Variants in DTNBP1 observed in about 807,000 individuals in gnomAD.
DTNBP1 encodes the protein dystrobrevin binding protein 1.
A neutral mutation model predicts 42.8 loss-of-function variants in DTNBP1; 35 were observed. The ratio of observed to expected loss-of-function variants is 0.82; its 90% CI spans 0.63 to 1.09. The LOEUF is 1.09. Ranked by LOEUF, DTNBP1 falls within the 50% of genes least tolerant of loss-of-function variation. The probability of loss-of-function intolerance (pLI) is 0.00; values close to 1 mark genes in which losing one functional copy is unlikely to be tolerated. For synonymous variants in DTNBP1, 171 were observed against 162.2 expected (o/e 1.05, Z -0.41); for missense variants, 457 against 424.2 (o/e 1.08, Z -0.68).
At chr6:15,592,805 A>C (rs562578336) in intron 7 of DTNBP1, among the ~76,000 whole-genome samples, 1 of 152,300 alleles carries the variant, frequency 6.6e-6, no homozygotes, top group East Asian at 1.9e-4. Context: ...ATTCTCAACA[A>C]CCTCAAAGTT....
intron 5 of DTNBP1, among the ~76,000 whole-genome samples, chr6:15,625,133 T>C (rs1759266233): frequency 1.3e-5 from 2 of 152,180 alleles, no homozygotes; most frequent in Non-Finnish European, 2.9e-5. Context: ...TATGCTATCT[T>C]CCACAGTCAT....
chr6:15,523,529 G>GAGC, intron 9 of DTNBP1: 1 of 1,274,400 alleles, frequency 7.8e-7, no homozygotes, highest in Non-Finnish European at 1.0e-6. Flanking sequence ...TATCTTTGAG[G>GAGC]AGCAGTCCTT....
At chr6:15,524,048 T>C in intron 9 of DTNBP1, 1 of 1,295,776 alleles carries the variant, frequency 7.7e-7, no homozygotes, top group Non-Finnish European at 1.0e-6. Flanking sequence ...TGTGAAGGGA[T>C]GAAAGGAACT....
chr6:15,530,291 C>T (rs998243204), intron 8 of DTNBP1, among the ~76,000 whole-genome samples: 3 of 152,112 alleles, frequency 2.0e-5, no homozygotes, highest in African/African-American at 4.8e-5. Context: ...ATGAGATGCC[C>T]GATTCCCGTG....
chr6:15,641,965 C>T (rs1477686261), intron 3 of DTNBP1, among the ~76,000 whole-genome samples: 1 of 152,212 alleles, frequency 6.6e-6, no homozygotes, highest in African/African-American at 2.4e-5. Context: ...TCATCTCCTG[C>T]ATCCCCCTAC....
At chr6:15,628,501 G>A (rs560702281) in intron 4 of DTNBP1, among the ~76,000 whole-genome samples, 2 of 147,736 alleles carry the variant, frequency 1.4e-5, no homozygotes, top group East Asian at 3.9e-4. Context: ...CGCCTCCCAG[G>A]TTCATGCGAT....
intron 7 of DTNBP1, 107 bp downstream of exon 7, chr6:15,592,952 T>C (rs1776357904): frequency 8.5e-7 from 1 of 1,171,258 alleles, no homozygotes; most frequent in African/African-American, 1.6e-5. Flanking sequence ...TTTTACTGTT[T>C]TATGTAAACT....
chr6:15,580,865 C>A (rs1775797348), intron 7 of DTNBP1, among the ~76,000 whole-genome samples: 1 of 152,144 alleles, frequency 6.6e-6, no homozygotes, highest in African/African-American at 2.4e-5. Flanking sequence ...GTCACCGTTT[C>A]TAGAAGACTG....
intron 9 of DTNBP1, chr6:15,523,425 T>G: frequency 7.9e-7 from 1 of 1,263,024 alleles, no homozygotes; most frequent in Non-Finnish European, 1.1e-6. Flanking sequence ...CGGTGACCCT[T>G]CTGTCCCCTA....
At chr6:15,647,221 T>A (rs537334632) in intron 3 of DTNBP1, among the ~76,000 whole-genome samples, 1 of 151,820 alleles carries the variant, frequency 6.6e-6, no homozygotes, top group East Asian at 1.9e-4. Context: ...TGAAGACATA[T>A]AAGAAGCCAA....
intron 6 of DTNBP1, among the ~76,000 whole-genome samples, chr6:15,608,874 T>C (rs1758226573): frequency 6.6e-6 from 1 of 152,240 alleles, no homozygotes; most frequent in Non-Finnish European, 1.5e-5. Flanking sequence ...TAGTGAAATT[T>C]ACAAAAATAT....
At chr6:15,609,540 C>CT (rs576642736) in intron 6 of DTNBP1, among the ~76,000 whole-genome samples, 10 of 152,168 alleles carry the variant, frequency 6.6e-5, no homozygotes, top group Non-Finnish European at 1.5e-4. Context: ...AGGCTGGTCT[C>CT]TATCTCCTGA....
chr6:15,613,852 C>T (rs913047916), intron 6 of DTNBP1, among the ~76,000 whole-genome samples: 4 of 152,184 alleles, frequency 2.6e-5, no homozygotes, highest in Non-Finnish European at 4.4e-5. Flanking sequence ...AATCTCCCAT[C>T]CCTGCCTGGC....
chr6:15,523,858 G>A (rs1302305012), intron 9 of DTNBP1: 1 of 1,287,146 alleles, frequency 7.8e-7, no homozygotes, highest in Non-Finnish European at 1.0e-6. Context: ...GAGAAGTTTA[G>A]AGGAAGCTGA....
chr6:15,609,346 G>A (rs1758263495), intron 6 of DTNBP1, among the ~76,000 whole-genome samples: 1 of 150,830 alleles, frequency 6.6e-6, no homozygotes, highest in Non-Finnish European at 1.5e-5. Context: ...TCCTGAGACA[G>A]TCTTGCTCTG....
chr6:15,578,034 A>G (rs1342871743), intron 7 of DTNBP1, among the ~76,000 whole-genome samples: 1 of 152,242 alleles, frequency 6.6e-6, no homozygotes, highest in African/African-American at 2.4e-5. Flanking sequence ...CTGCCAGACG[A>G]TTCTGCAGAG....
intron 6 of DTNBP1, 45 bp from the exon 7 acceptor site, chr6:15,593,126 T>A (rs1284459602): frequency 1.3e-6 from 2 of 1,515,342 alleles, no homozygotes; most frequent in Non-Finnish European, 1.8e-6. Flanking sequence ...AAATTAAAAA[T>A]CTCCCCAATG....
chr6:15,586,971 A>C (rs1776105343), intron 7 of DTNBP1, among the ~76,000 whole-genome samples: 1 of 151,966 alleles, frequency 6.6e-6, no homozygotes, highest in Admixed American at 6.6e-5. Flanking sequence ...ATTTCTATGC[A>C]TTGTCAACTT....
At chr6:15,619,849 A>C (rs1396929450) in intron 5 of DTNBP1, among the ~76,000 whole-genome samples, 1 of 151,908 alleles carries the variant, frequency 6.6e-6, no homozygotes, top group Non-Finnish European at 1.5e-5. Context: ...AAAATATACA[A>C]TTAAGTTATT....
Sources: gnomAD v4.1 joint callset for allele counts (sites outside exome capture counted in the v4.1 genomes callset) on GRCh38, gnomAD v4.1.1 for gene constraint, MANE v1.5 for transcripts, NCBI Gene and HGNC (gene_info 2026-07-23, HGNC 2026-07-21) for gene names.